The following IL18R1 variants were observed in gnomAD, a reference collection of about 807,000 sequenced individuals.
IL18R1 encodes interleukin 18 receptor 1.
A neutral mutation model predicts 48.5 loss-of-function variants in IL18R1; 40 were observed. The ratio of observed to expected loss-of-function variants is 0.82; its 90% CI spans 0.64 to 1.07. The LOEUF (loss-of-function observed/expected upper bound fraction) is 1.07. IL18R1 is among the 50% of genes least tolerant of loss of function. The probability of loss-of-function intolerance (pLI) is 0.00; values close to 1 mark genes in which losing one functional copy is unlikely to be tolerated. For synonymous variants in IL18R1, 232 were observed against 225.9 expected (o/e 1.03, Z -0.24); for missense variants, 596 against 633.7 (o/e 0.94, Z 0.64).
In IL18R1 at chr2:102,396,215, G is replaced by A. The variant is rs564577018; in HGVS notation, c.1271-316G>A. ...AGGTTACTTAACCACTCTGTGCTCC[G>A]GCTTCCTTGTTTGTTAAATGGAGGT... On this transcript the variant is annotated intron_variant, in intron 10 of 10. Coordinates refer to ENST00000233957, the MANE Select transcript of IL18R1 (RefSeq NM_003855.5). Among the ~76,000 whole-genome samples, 230 of 152,092 alleles carry A rather than the reference G, an allele frequency of 1.5e-3. 1 individual carries two copies. The highest frequency in any genetic ancestry group is 5.4e-3 in the African/African-American group (223 of 41,500).
At chr2:102,372,275 TGTTGTCAAGAGC>T (rs776375145) in intron 4 of IL18R1, among the ~76,000 whole-genome samples, 157 bp downstream of exon 4, 9 of 152,348 alleles carry the variant, frequency 5.9e-5, no homozygotes, top group Admixed American at 3.3e-4. Context: ...CTCACTGGCT[TGTTGTCAAGAGC>T]TGATACATAG....
chr2:102,396,456 T>C (rs1197163508), intron 10 of IL18R1, 75 bp from the exon 11 acceptor site: 9 of 811,092 alleles, frequency 1.1e-5, no homozygotes, highest in Non-Finnish European at 1.6e-5. Flanking sequence ...AAAATAAGAC[T>C]GTGCAAAATG....
chr2:102,365,228 A>G (rs1318650329), intron 2 of IL18R1, among the ~76,000 whole-genome samples: 1 of 152,206 alleles, frequency 6.6e-6, no homozygotes, highest in Non-Finnish European at 1.5e-5. Context: ...CAATTTAGTT[A>G]CTTCCTAGAT....
rs778003138 is a variant in IL18R1, at chr2:102,390,020, GATT to G, written c.950-32_950-30del. The stretch of plus-strand genomic sequence containing the variant: ...ATGGACAACACTGGTAAGATTTCTT[GATT>G]ATTTTCTTTTCCTTTTTCCCTTTCT... On this transcript the variant is annotated intron_variant, in intron 8 of 10. Coordinates refer to ENST00000233957, the MANE Select transcript of IL18R1 (RefSeq NM_003855.5). 49 of 1,607,360 alleles carry G rather than the reference GATT, an allele frequency of 3.0e-5. No individual in the cohort carries two copies. In the Middle Eastern group the frequency reaches 1.3e-3, roughly 43 times the overall value.
chr2:102,388,695 C>T (rs761201531), intron 8 of IL18R1, among the ~76,000 whole-genome samples: 51 of 152,270 alleles, frequency 3.3e-4, no homozygotes, highest in Admixed American at 1.2e-3. Flanking sequence ...ACCATCACCC[C>T]GTGCCAATGT....
chr2:102,378,332 A>G (rs149007668), intron 5 of IL18R1, among the ~76,000 whole-genome samples: 2 of 152,160 alleles, frequency 1.3e-5, no homozygotes, highest in African/African-American at 4.8e-5. Flanking sequence ...TGGGACAGTA[A>G]TGGTTCATCC....
At chr2:102,361,363 A>G (rs1295991364) in intron 1 of IL18R1, among the ~76,000 whole-genome samples, 2 of 152,172 alleles carry the variant, frequency 1.3e-5, no homozygotes, top group African/African-American at 4.8e-5. Context: ...TGGAAATTCC[A>G]CCAAATATTT....
intron 9 of IL18R1, among the ~76,000 whole-genome samples, chr2:102,393,023 A>G (rs999055883): frequency 5.9e-5 from 9 of 152,222 alleles, no homozygotes; most frequent in African/African-American, 2.2e-4. Context: ...CTAATTTTTC[A>G]TAGGTAAGAG....
intron 4 of IL18R1, among the ~76,000 whole-genome samples, chr2:102,374,168 G>A (rs547186361): frequency 7.9e-5 from 12 of 152,248 alleles, no homozygotes; most frequent in African/African-American, 1.7e-4. Context: ...GTGTCAAAAC[G>A]GTTGGGGACA....
At chr2:102,357,535 A>C (rs1678323991) in intron 1 of IL18R1, among the ~76,000 whole-genome samples, 1 of 151,878 alleles carries the variant, frequency 6.6e-6, no homozygotes, top group Non-Finnish European at 1.5e-5. Flanking sequence ...CCCTGCCTTC[A>C]GGGACCTCAC....
Position 102,386,942 on chromosome 2 carries a change from T to C in IL18R1, c.891T>C (p.Asn297=), listed in dbSNP as rs1253363600. 2 of 1,613,898 alleles carry C rather than the reference T, an allele frequency of 1.2e-6. No homozygotes were observed. Among genetic ancestry groups the C allele is most frequent in the South Asian group, 1.1e-5 (1 of 91,076 alleles). ...AAAGCAATCTAAATGTTTTATATAA[T>C]TGCACTGTGGCCAGCACGGGAGGCA... ...IGESNLNVLY[N]CTVASTGGTD... Residue 297 remains asparagine, a synonymous_variant, in exon 8 of 11, where the codon AAT becomes AAC. Coordinates refer to ENST00000233957, the MANE Select transcript of IL18R1 (RefSeq NM_003855.5).
chr2:102,396,963 G>T lies in IL18R1; in HGVS notation c.*77G>T. On this transcript the variant is annotated 3_prime_UTR_variant, in exon 11 of 11. Coordinates refer to ENST00000233957, the MANE Select transcript of IL18R1 (RefSeq NM_003855.5). Reference sequence around the variant, plus strand: ...GCATATGAACCTGTTCATAACAAAGGCTGTGACTCGAAATAATTAACTTTG... The same window carrying T: ...GCATATGAACCTGTTCATAACAAAGTCTGTGACTCGAAATAATTAACTTTG... 1 of 814,246 alleles carries T rather than the reference G, an allele frequency of 1.2e-6. No individual in the cohort carries two copies. The highest frequency in any genetic ancestry group is 1.7e-5 in the African/African-American group (1 of 57,822). 50.4% of individuals were successfully genotyped at this position (814,246 alleles called of 1,614,324 possible).
In IL18R1 at chr2:102,396,719, C is replaced by T. The variant is rs752322145; in HGVS notation, c.1459C>T (p.Gln487Ter). The T allele has an allele frequency of 3.1e-6, 5 of 1,614,086 alleles. No individual in the cohort carries two copies. Among genetic ancestry groups the T allele is most frequent in the Non-Finnish European group, 3.4e-6 (4 of 1,179,958 alleles). Reference protein sequence around the residue: ...TPVTDFTFLPQSLKLLKSHRV... With the variant: ...TPVTDFTFLP The stretch of plus-strand genomic sequence containing the variant: ...TGTTACTGACTTCACATTCTTGCCC[C>T]AATCACTAAAGCTTTTGAAATCTCA... Residue 487 changes from glutamine (Q) to a stop codon, truncating the protein, a stop_gained, in exon 11 of 11, where the codon CAA becomes TAA. Transcript: ENST00000233957. LOFTEE classifies it low-confidence loss of function (END_TRUNC).
At chr2:102,377,172 A>G (rs1180990857) in intron 5 of IL18R1, among the ~76,000 whole-genome samples, 2 of 152,310 alleles carry the variant, frequency 1.3e-5, no homozygotes, top group East Asian at 1.9e-4. Context: ...CTTCTTCACT[A>G]CAACCATATA....
At chr2:102,377,857 TTGCCA>T (rs1379945592) in intron 5 of IL18R1, among the ~76,000 whole-genome samples, 9 of 152,184 alleles carry the variant, frequency 5.9e-5, no homozygotes, top group Non-Finnish European at 1.3e-4. Flanking sequence ...GAGGTTCCTT[TTGCCA>T]TGTAACATAT....
Position 102,384,969 on chromosome 2 carries a change from T to C in IL18R1, c.780T>C (p.Asn260=), listed in dbSNP as rs1680144643. The change falls in exon 7 of 11, where the codon AAT becomes AAC. Residue 260 remains asparagine, a synonymous_variant. Transcript: ENST00000233957. The stretch of plus-strand genomic sequence containing the variant: ...GGGAAGAAAATGGATCGGATCCTAA[T>C]ATACATGAAGAGAAAGAAATGAGAA... ...MFGEENGSDP[N]IHEEKEMRIM... is the part of the protein sequence containing the mutation. 5.6e-6 allele frequency: 9 copies of C among 1,599,342 alleles called. No individual in the cohort carries two copies. The East Asian group carries it at 2.0e-4, about 36-fold the overall frequency.
intron 7 of IL18R1, among the ~76,000 whole-genome samples, chr2:102,385,715 A>G (rs894070177): frequency 6.6e-6 from 1 of 152,090 alleles, no homozygotes; most frequent in Admixed American, 6.5e-5. Flanking sequence ...TTTACACCAC[A>G]AAGTCTGGCT....
rs552797738 is a variant in IL18R1 at position 102,371,179 on chromosome 2, C to T, written c.303-774C>T. ...CAGCTTCCCGAGTAGCTGGGATTACCGTACCCAGCTAATTTTTGTAGTTTT... is the reference window on the plus strand; with the variant it reads ...CAGCTTCCCGAGTAGCTGGGATTACTGTACCCAGCTAATTTTTGTAGTTTT... On this transcript the variant is annotated intron_variant, in intron 3 of 10. Coordinates refer to ENST00000233957, the MANE Select transcript of IL18R1 (RefSeq NM_003855.5). 2.0e-5 allele frequency among the ~76,000 whole-genome samples: 3 copies of T among 151,970 alleles called. No individual in the cohort carries two copies. In the East Asian group the frequency reaches 5.8e-4, roughly 29 times the overall value.
chr2:102,382,141 C>G (rs1324370320), intron 6 of IL18R1, among the ~76,000 whole-genome samples: 1 of 152,060 alleles, frequency 6.6e-6, no homozygotes, highest in Non-Finnish European at 1.5e-5. Context: ...GGCATGGTGG[C>G]ATGCACCTGT....
Sources: gnomAD v4.1 joint callset for allele counts (sites outside exome capture counted in the v4.1 genomes callset) on GRCh38, gnomAD v4.1.1 for gene constraint, MANE v1.5 for transcripts, NCBI Gene and HGNC (gene_info 2026-07-23, HGNC 2026-07-21) for gene names.